The following SP2 variants were observed in gnomAD, a reference collection of about 807,000 sequenced individuals.
The protein encoded by SP2 is transcription factor Sp2.
In SP2, 9 loss-of-function variants were observed where a neutral mutation model predicts 50.1. That is an observed-to-expected ratio of 0.18 (90% CI 0.11 to 0.31). The LOEUF is 0.31. SP2 is among the 10% of genes least tolerant of loss of function. SP2 has a pLI of 1.00. For synonymous variants in SP2, 313 were observed against 326.6 expected, an observed-to-expected ratio of 0.96 and a Z score of 0.45; for missense variants, 581 against 806.5, an observed-to-expected ratio of 0.72 and a Z score of 3.39.
At chr17:47,901,443 C>CTTTGTTTTT (rs2034538388) in intron 1 of SP2, among the ~76,000 whole-genome samples, 1 of 150,288 alleles carries the variant, frequency 6.7e-6, no homozygotes, top group Admixed American at 6.6e-5. Context: ...CCGTGCCTGG[C>CTTTGTTTTT]TTTGTTTTTT....
At chr17:47,905,071 T>A (rs559592039) in intron 1 of SP2, among the ~76,000 whole-genome samples, 20 of 152,320 alleles carry the variant, frequency 1.3e-4, no homozygotes, top group African/African-American at 4.6e-4. Context: ...CGTGCCCACC[T>A]TATAATAGTT....
chr17:47,916,502 A>G lies in SP2; in HGVS notation c.431A>G (p.Gln144Arg). Residue 144 changes from glutamine (Q) to arginine (R), a missense_variant, in exon 3 of 7, where the codon CAA becomes CGA. Physicochemically the swap from Gln to Arg is conservative, Grantham distance 43. Around this residue, in one of 2 missense-constraint regions of SP2, gnomAD observed 397 missense variants for 491.0 expected, o/e 0.81. Coordinates refer to ENST00000376741, the MANE Select transcript of SP2 (RefSeq NM_003110.6). The surrounding 1 kb of genome is among the most constrained non-coding windows in gnomAD (Gnocchi z 4.7). The part of the protein sequence containing the change: ...AVPQIQASNS[Q>R]TIQVQPNLTN... ...CCTCAGATTCAGGCAAGCAATTCCC[A>G]AACCATCCAAGTACAGCCCAATCTC... 2 of 1,614,066 alleles carry G rather than the reference A, an allele frequency of 1.2e-6. No individual in the cohort carries two copies. Among genetic ancestry groups the G allele is most frequent in the Non-Finnish European group, 1.7e-6 (2 of 1,180,002 alleles).
At chr17:47,906,483 G>C (rs2034766676) in intron 1 of SP2, among the ~76,000 whole-genome samples, 1 of 152,228 alleles carries the variant, frequency 6.6e-6, no homozygotes, top group South Asian at 2.1e-4. Context: ...AATGAGTGGT[G>C]AGTGTTCCCA....
At chr17:47,910,130 C>G (rs531103087) in intron 1 of SP2, among the ~76,000 whole-genome samples, 9 of 152,176 alleles carry the variant, frequency 5.9e-5, no homozygotes, top group African/African-American at 2.2e-4. Flanking sequence ...TGAGCCACCA[C>G]GCCTGGCCAA....
intron 3 of SP2, among the ~76,000 whole-genome samples, chr17:47,920,546 A>G (rs1207734546): frequency 6.6e-6 from 1 of 152,044 alleles, no homozygotes; most frequent in African/African-American, 2.4e-5. Flanking sequence ...TCAGCCTCCC[A>G]AAGTGCTGGG....
intron 1 of SP2, among the ~76,000 whole-genome samples, chr17:47,912,948 C>T (rs748340228): frequency 6.6e-5 from 10 of 152,004 alleles, no homozygotes; most frequent in Non-Finnish European, 1.0e-4. Context: ...CAACCTCCAC[C>T]TCCTGGGTTC....
Position 47,924,922 on chromosome 17 carries a change from A to G in SP2, c.1376A>G (p.Gln459Arg). The G allele has an allele frequency of 6.3e-7, 1 of 1,596,662 alleles. No homozygotes were observed. The highest frequency in any genetic ancestry group is 2.2e-5 in the East Asian group (1 of 44,544). The change falls in exon 5 of 7, where the codon CAG becomes CGG. Residue 459 changes from glutamine (Q) to arginine (R), a missense_variant. Around this residue, in one of 2 missense-constraint regions of SP2, gnomAD observed 184 missense variants for 315.5 expected, o/e 0.58. Transcript: ENST00000376741. ...VPVTITNTGG[Q>R]QQLTVQNVSG... ...CTGCCCCTCTTTGTCCCCACAGGGCAGCAGCAGCTGACAGTGCAGAATGTT... is the reference window on the plus strand; with the variant it reads ...CTGCCCCTCTTTGTCCCCACAGGGCGGCAGCAGCTGACAGTGCAGAATGTT...
chr17:47,915,602 T>G (rs146898313), intron 2 of SP2, among the ~76,000 whole-genome samples: 293 of 152,296 alleles, frequency 1.9e-3, no homozygotes, highest in Non-Finnish European at 3.0e-3. Flanking sequence ...AACTCTGTGT[T>G]CCTTCCACCA....
intron 3 of SP2, among the ~76,000 whole-genome samples, chr17:47,921,091 C>A (rs927071306): frequency 1.3e-5 from 2 of 152,134 alleles, no homozygotes; most frequent in African/African-American, 4.8e-5. Flanking sequence ...TGTGTCTGAA[C>A]TTCATTCCTT....
chr17:47,928,498 C>G lies in SP2; in HGVS notation c.*674C>G, dbSNP rs1249138064. 1 of 152,728 alleles carries G rather than the reference C, an allele frequency of 6.5e-6. No homozygotes were observed. The highest frequency in any genetic ancestry group is 2.4e-5 in the African/African-American group (1 of 41,440). The allele number at this position is 152,728 out of a possible 1,614,324, so 9.5% of individuals were successfully genotyped here. ...AGTTTTATTTAATTGCTCCCTTCTTCCTTTCCTTGTTATTCACCTCCCTGA... is the reference window on the plus strand; with the variant it reads ...AGTTTTATTTAATTGCTCCCTTCTTGCTTTCCTTGTTATTCACCTCCCTGA... On this transcript the variant is annotated 3_prime_UTR_variant, in exon 7 of 7. Transcript: ENST00000376741.
intron 1 of SP2, chr17:47,897,234 C>G (rs1278050150): frequency 2.6e-5 from 4 of 152,254 alleles, no homozygotes; most frequent in African/African-American, 9.6e-5. Flanking sequence ...CAGCGGCTTT[C>G]TAATTTTAGT....
At chr17:47,897,923 G>C (rs1351840832) in intron 1 of SP2, 1 of 965,608 alleles carries the variant, frequency 1.0e-6, no homozygotes, top group Non-Finnish European at 1.2e-6. Context: ...TGGCTGGGAC[G>C]ATTGGTAAGT....
chr17:47,901,632 C>T (rs1014494197), intron 1 of SP2, among the ~76,000 whole-genome samples: 2 of 152,024 alleles, frequency 1.3e-5, no homozygotes, highest in African/African-American at 4.8e-5. Context: ...GAGAGGCGTG[C>T]GCTTTGAAGT....
chr17:47,916,238 C>T lies in SP2; in HGVS notation c.167C>T (p.Pro56Leu), dbSNP rs763722387. The change falls in exon 3 of 7, where the codon CCT becomes CTT. Residue 56 changes from proline (P) to leucine (L), a missense_variant. Physicochemically the swap from Pro to Leu is moderately conservative, Grantham distance 98. Transcript: ENST00000376741. The surrounding 1 kb of genome is among the most constrained non-coding windows in gnomAD (Gnocchi z 4.7). ...GPPAVEAAVT[P>L]PAPPQPTPRK... is the part of the protein sequence containing the mutation. ...CCAGCAGTTGAAGCTGCTGTGACACCTCCTGCTCCCCCACAGCCCACACCG... is the reference window on the plus strand; with the variant it reads ...CCAGCAGTTGAAGCTGCTGTGACACTTCCTGCTCCCCCACAGCCCACACCG... 1.6e-5 allele frequency: 26 copies of T among 1,613,970 alleles called. No individual in the cohort carries two copies. The highest frequency in any genetic ancestry group is 2.2e-5 in the South Asian group (2 of 91,070).
intron 1 of SP2, among the ~76,000 whole-genome samples, chr17:47,910,286 A>G (rs1036965720): frequency 4.6e-5 from 7 of 152,188 alleles, no homozygotes; most frequent in African/African-American, 1.7e-4. Context: ...CAGAATAGAA[A>G]AATATCACGG....
chr17:47,911,367 C>T (rs1025697532), intron 1 of SP2, among the ~76,000 whole-genome samples: 1 of 150,814 alleles, frequency 6.6e-6, no homozygotes, highest in African/African-American at 2.4e-5. Context: ...CAAGGCAAAA[C>T]CCCGTCTCTA....
downstream of SP2, among the ~76,000 whole-genome samples, chr17:47,930,301 C>T (rs550883657): frequency 2.6e-5 from 4 of 152,268 alleles, no homozygotes; most frequent in South Asian, 4.1e-4. Flanking sequence ...CTTTTTGCCA[C>T]GTTTCCCTTG....
intron 3 of SP2, among the ~76,000 whole-genome samples, chr17:47,922,178 A>G (rs1049196797): frequency 6.6e-6 from 1 of 152,110 alleles, no homozygotes; most frequent in Non-Finnish European, 1.5e-5. Flanking sequence ...GTATGCAGCC[A>G]GTCTCCCACA....
At chr17:47,915,256 G>A (rs11871969) in intron 1 of SP2, 56 bp from the exon 2 acceptor site, 197,872 of 1,233,200 alleles carry the variant, frequency 0.16, 17,697 homozygotes, top group Non-Finnish European at 0.18. Context: ...GAGGCAAGTG[G>A]GCTTGCGTTC....
Sources: allele counts gnomAD v4.1 joint callset (sites outside exome capture counted in the v4.1 genomes callset), GRCh38; gene constraint gnomAD v4.1.1; regional missense constraint gnomAD v4.1.1; non-coding constraint Gnocchi (gnomAD v3.1); transcripts MANE v1.5; gene names NCBI Gene and HGNC (gene_info 2026-07-23, HGNC 2026-07-21).